WRN: variants seen among roughly 807,000 people sequenced by gnomAD.
WRN encodes WRN RecQ like helicase, also known as bifunctional 3'-5' exonuclease/ATP-dependent helicase WRN.
WRN carries 149 observed loss-of-function variants against 180.7 expected under a neutral mutation model. The ratio of observed to expected loss-of-function variants is 0.82; its 90% CI spans 0.72 to 0.94. The LOEUF is 0.94. WRN is among the 40% of genes least tolerant of loss of function. The probability of loss-of-function intolerance (pLI) is 0.00; values close to 1 mark genes in which losing one functional copy is unlikely to be tolerated. For synonymous variants in WRN, 548 were observed against 568.9 expected (o/e 0.96, Z 0.52); for missense variants, 1,661 against 1,700.1 (o/e 0.98, Z 0.40).
Position 31,058,480 on chromosome 8 carries a change from G to A in WRN, c.33G>A (p.Gln11=), listed in dbSNP as rs756255418. 15 of 1,613,758 alleles carry A rather than the reference G, an allele frequency of 9.3e-6. No homozygotes were observed. In the Admixed American group the frequency reaches 1.5e-4, roughly 16 times the overall value. Residue 11 remains glutamine (Q), a synonymous_variant, in exon 2 of 35, where the codon CAG becomes CAA. Coordinates refer to ENST00000298139, the MANE Select transcript of WRN (RefSeq NM_000553.6). MSEKKLETTA[Q]QRKCPEWMNV... The stretch of plus-strand genomic sequence containing the variant: ...AAAAAAAATTGGAAACAACTGCACA[G>A]CAGCGGAAATGTCCTGAATGGATGA...
At chr8:31,083,075 T>C (rs1326702050) in intron 9 of WRN, among the ~76,000 whole-genome samples, 1 of 152,182 alleles carries the variant, frequency 6.6e-6, no homozygotes. Context: ...TTGAGGGTTT[T>C]CTTTCTATGG....
Position 31,170,923 on chromosome 8 carries a change from A to G in WRN, c.4192-2072A>G, listed in dbSNP as rs561990689. Among the ~76,000 whole-genome samples the G allele has an allele frequency of 2.0e-5, 3 of 152,344 alleles. No individual in the cohort carries two copies. In the South Asian group the frequency reaches 6.2e-4, roughly 32 times the overall value. On this transcript the variant is annotated intron_variant, in intron 34 of 34. Coordinates refer to ENST00000298139, the MANE Select transcript of WRN (RefSeq NM_000553.6). Reference sequence around the variant, plus strand: ...TGCTGATGATCATATTTATAGAAATATAGAAGATAAGACTTGAAATGATAT... The same window carrying G: ...TGCTGATGATCATATTTATAGAAATGTAGAAGATAAGACTTGAAATGATAT...
intron 33 of WRN, among the ~76,000 whole-genome samples, chr8:31,158,894 T>G (rs1803495265): frequency 6.6e-6 from 1 of 152,076 alleles, no homozygotes; most frequent in Non-Finnish European, 1.5e-5. Context: ...TCAGGTATAG[T>G]AAATAAATAA....
intron 3 of WRN, among the ~76,000 whole-genome samples, chr8:31,061,245 T>C (rs1488347172): frequency 6.6e-6 from 1 of 152,142 alleles, no homozygotes; most frequent in African/African-American, 2.4e-5. Flanking sequence ...TTTTTTCTTC[T>C]GTAGTGTCTG....
intron 22 of WRN, 82 bp downstream of exon 22, chr8:31,124,705 CA>C (rs1801852954): frequency 7.2e-7 from 1 of 1,383,854 alleles, no homozygotes; most frequent in African/African-American, 1.4e-5. Context: ...AAATAATTAT[CA>C]GTATTTTGAA....
At chr8:31,150,669 C>T (rs1803088378) in intron 31 of WRN, among the ~76,000 whole-genome samples, 2 of 152,168 alleles carry the variant, frequency 1.3e-5, no homozygotes, top group South Asian at 4.1e-4. Flanking sequence ...GTTGTCCAGG[C>T]TGCTGATGTC....
intron 24 of WRN, among the ~76,000 whole-genome samples, chr8:31,140,003 G>GTTTTT (rs71539917): frequency 0.012 from 716 of 62,110 alleles, 133 homozygotes; most frequent in East Asian, 0.014. Context: ...ATACTTCTTT[G>GTTTTT]TTTTTTTTTT....
chr8:31,163,999 G>C (rs1257441564), intron 33 of WRN, among the ~76,000 whole-genome samples: 6 of 151,804 alleles, frequency 4.0e-5, no homozygotes, highest in African/African-American at 9.7e-5. Context: ...ACCACACCTG[G>C]CTAATTTTTA....
At chr8:31,086,889 C>T (rs768639670) in intron 11 of WRN, among the ~76,000 whole-genome samples, 11 of 152,082 alleles carry the variant, frequency 7.2e-5, no homozygotes, top group Non-Finnish European at 1.5e-4. Flanking sequence ...AACTTGTGGA[C>T]GTCTACAAAC....
chr8:31,123,129 C>T (rs1187064807), intron 21 of WRN, among the ~76,000 whole-genome samples: 2 of 151,916 alleles, frequency 1.3e-5, no homozygotes, highest in Non-Finnish European at 1.5e-5. Flanking sequence ...TGCCATCCCA[C>T]TCAGTCTGCC....
chr8:31,040,010 A>G (rs1402405443), intron 1 of WRN, among the ~76,000 whole-genome samples: 1 of 152,162 alleles, frequency 6.6e-6, no homozygotes, highest in East Asian at 1.9e-4. Flanking sequence ...TATGGCTTGA[A>G]CCAACATTGT....
intron 9 of WRN, among the ~76,000 whole-genome samples, chr8:31,083,456 G>A (rs1813398692): frequency 1.3e-5 from 2 of 151,950 alleles, no homozygotes; most frequent in Admixed American, 1.3e-4. Context: ...ATTTTATTTT[G>A]TCTCTTTATC....
chr8:31,081,923 G>A (rs540626258), intron 9 of WRN, among the ~76,000 whole-genome samples: 2 of 152,094 alleles, frequency 1.3e-5, no homozygotes, highest in African/African-American at 4.8e-5. Context: ...ACTACACTCA[G>A]CTAATTTTTG....
At chr8:31,106,271 A>G (rs1398541024) in intron 18 of WRN, among the ~76,000 whole-genome samples, 1 of 150,602 alleles carries the variant, frequency 6.6e-6, no homozygotes, top group Non-Finnish European at 1.5e-5. Context: ...TCCTGCTTTC[A>G]CTCTTCCCAT....
In WRN at chr8:31,087,878, G is replaced by T; in HGVS notation, c.1534G>T (p.Asp512Tyr). Residue 512 changes from aspartate to tyrosine, a missense_variant, in exon 12 of 35, where the codon GAT (aspartate) becomes TAT (tyrosine). By Grantham distance (160) the Asp-to-Tyr change is radical (BLOSUM62 -3). Around this residue, in one of 3 missense-constraint regions of WRN, gnomAD observed 1,141 missense variants for 1,149.4 expected, o/e 0.99. Coordinates refer to ENST00000298139, the MANE Select transcript of WRN (RefSeq NM_000553.6). ...GLPTKEEEED[D>Y]ENEANEGEED... ...TCCTACTAAAGAAGAAGAAGAAGAT[G>T]ATGAAAATGAAGCTAATGAAGGGGA... The T allele has an allele frequency of 6.2e-7, 1 of 1,613,628 alleles. No homozygotes were observed. Among genetic ancestry groups the T allele is most frequent in the South Asian group, 1.1e-5 (1 of 91,058 alleles).
At chr8:31,102,656 A>G (rs1346748722) in intron 18 of WRN, among the ~76,000 whole-genome samples, 1 of 152,236 alleles carries the variant, frequency 6.6e-6, no homozygotes, top group Non-Finnish European at 1.5e-5. Flanking sequence ...GTATACCTGT[A>G]TAGGGTGCTT....
intron 30 of WRN, 78 bp from the exon 31 acceptor site, chr8:31,150,263 C>T: frequency 8.6e-7 from 1 of 1,167,136 alleles, no homozygotes; most frequent in East Asian, 2.4e-5. Flanking sequence ...AGCTGAACAT[C>T]AGCTATATTG....
intron 30 of WRN, among the ~76,000 whole-genome samples, chr8:31,149,328 C>T (rs1169034786): frequency 1.3e-5 from 2 of 149,970 alleles, no homozygotes; most frequent in Middle Eastern, 3.2e-3. Flanking sequence ...ACCCGGGAGG[C>T]GGAGCTTGCA....
intron 1 of WRN, among the ~76,000 whole-genome samples, chr8:31,045,392 A>T (rs1315055280): frequency 6.6e-6 from 1 of 150,712 alleles, no homozygotes; most frequent in Non-Finnish European, 1.5e-5. Flanking sequence ...TTTTACACCA[A>T]TTCCACACTA....
Sources: gnomAD v4.1 joint callset for allele counts (sites outside exome capture counted in the v4.1 genomes callset) on GRCh38, gnomAD v4.1.1 for gene constraint, gnomAD v4.1.1 regional missense constraint, MANE v1.5 for transcripts, NCBI Gene and HGNC (gene_info 2026-07-23, HGNC 2026-07-21) for gene names.